SYBU: variants seen among roughly 807,000 people sequenced by gnomAD.
SYBU encodes GOLSYN A protein.
SYBU carries 21 observed loss-of-function variants against 35.9 expected under a neutral mutation model. That is an observed-to-expected ratio of 0.58 (90% confidence interval 0.41 to 0.84). The LOEUF (loss-of-function observed/expected upper bound fraction) is 0.84. Among genes scored for constraint, SYBU ranks in the 40% least tolerant of loss-of-function variants. The pLI, the probability that SYBU is intolerant of heterozygous loss-of-function variation, is 0.00. For missense variants in SYBU, 768 were observed against 848.2 expected, an observed-to-expected ratio of 0.91 and a Z score of 1.17; for synonymous variants, 319 against 324.3, an observed-to-expected ratio of 0.98 and a Z score of 0.18.
intron 1 of SYBU, among the ~76,000 whole-genome samples, chr8:109,659,617 T>A (rs1180959724): frequency 6.6e-6 from 1 of 152,176 alleles, no homozygotes; most frequent in Non-Finnish European, 1.5e-5. Flanking sequence ...CTCACCACAT[T>A]CATAAGAGCA....
At chr8:109,673,763 T>C (rs1817077352) in intron 1 of SYBU, among the ~76,000 whole-genome samples, 1 of 152,146 alleles carries the variant, frequency 6.6e-6, no homozygotes, top group African/African-American at 2.4e-5. Flanking sequence ...TCTAACCCAA[T>C]GCAAGGAAGC....
intron 1 of SYBU, among the ~76,000 whole-genome samples, chr8:109,675,421 A>G (rs535180143): frequency 6.6e-6 from 1 of 152,296 alleles, no homozygotes; most frequent in South Asian, 2.1e-4. Flanking sequence ...AAAGAGAGGA[A>G]TCAAATAGAC....
chr8:109,618,744 T>C, intron 3 of SYBU, 98 bp downstream of exon 3: 1 of 1,113,678 alleles, frequency 9.0e-7, no homozygotes, highest in Non-Finnish European at 1.4e-6. Flanking sequence ...GGTACGGTAT[T>C]TGTGATCCCC....
At chr8:109,641,266 C>A (rs766744918) in intron 2 of SYBU, among the ~76,000 whole-genome samples, 6 of 152,194 alleles carry the variant, frequency 3.9e-5, no homozygotes, top group Non-Finnish European at 8.8e-5. Flanking sequence ...CCTTACCAAA[C>A]ATGCTCACAA....
At chr8:109,683,310 G>A (rs942268492), upstream of SYBU, among the ~76,000 whole-genome samples, 7 of 152,290 alleles carry the variant, frequency 4.6e-5, no homozygotes, top group African/African-American at 1.7e-4. Context: ...AAGGTCATGG[G>A]AGCCCACCTC....
chr8:109,644,876 C>T (rs993426804), upstream of SYBU: 4 of 571,244 alleles, frequency 7.0e-6, no homozygotes, highest in Admixed American at 3.1e-5. Context: ...GTGCCGCACT[C>T]GCTAGAGGCA....
At chr8:109,613,971 G>A (rs1297917590) in intron 3 of SYBU, among the ~76,000 whole-genome samples, 2 of 152,106 alleles carry the variant, frequency 1.3e-5, no homozygotes, top group Admixed American at 6.5e-5. Context: ...GATGACAAGG[G>A]GATACTAACT....
At chr8:109,669,824 T>A (rs1816910658) in intron 1 of SYBU, among the ~76,000 whole-genome samples, 1 of 152,240 alleles carries the variant, frequency 6.6e-6, no homozygotes, top group African/African-American at 2.4e-5. Flanking sequence ...TGACATAACC[T>A]GGATCCTAGC....
At chr8:109,603,163 C>T (rs901475603) in intron 3 of SYBU, among the ~76,000 whole-genome samples, 1 of 152,248 alleles carries the variant, frequency 6.6e-6, no homozygotes, top group African/African-American at 2.4e-5. Flanking sequence ...CGGAAGCCGA[C>T]AAGAGGCAAA....
chr8:109,646,073 G>C (rs1047412125), upstream of SYBU: 5 of 152,260 alleles, frequency 3.3e-5, no homozygotes, highest in African/African-American at 1.2e-4. Flanking sequence ...TCGAAAATCT[G>C]TCCAACTGGG....
intron 2 of SYBU, among the ~76,000 whole-genome samples, chr8:109,630,257 A>G (rs896052566): frequency 3.4e-5 from 4 of 118,404 alleles, no homozygotes; most frequent in East Asian, 2.7e-4. Context: ...GGAATATCAC[A>G]CTCTGGGGAC....
rs115244040 is a variant in SYBU at position 109,614,593 on chromosome 8, C to G, written c.427+4249G>C. On this transcript the variant is annotated intron_variant, in intron 3 of 6. Coordinates refer to ENST00000276646, the MANE Select transcript of SYBU (RefSeq NM_001099754.2). Reference sequence around the variant, plus strand: ...TCACAACTTCCCCACGCTCCTCCCACACAAAACATAATCTCTTGCACAAAG... The same window carrying G: ...TCACAACTTCCCCACGCTCCTCCCAGACAAAACATAATCTCTTGCACAAAG... Among the ~76,000 whole-genome samples, 1,259 of 152,344 alleles carry G rather than the reference C, an allele frequency of 8.3e-3. 8 individuals carry two copies. Among genetic ancestry groups the G allele is most frequent in the African/African-American group, 0.029 (1,199 of 41,570 alleles).
At chr8:109,600,883 G>T (rs1369977640) in intron 3 of SYBU, among the ~76,000 whole-genome samples, 1 of 152,148 alleles carries the variant, frequency 6.6e-6, no homozygotes, top group Non-Finnish European at 1.5e-5. Context: ...TATGAACAAG[G>T]TCGACATGTG....
At chr8:109,652,982 C>T (rs1216582319) in intron 1 of SYBU, among the ~76,000 whole-genome samples, 2 of 152,026 alleles carry the variant, frequency 1.3e-5, no homozygotes, top group Non-Finnish European at 2.9e-5. Flanking sequence ...TGTAATAAGC[C>T]CAGCATAGTC....
chr8:109,587,518 A>C (rs76084958), intron 3 of SYBU, among the ~76,000 whole-genome samples: 2,154 of 152,294 alleles, frequency 0.014, 58 homozygotes, highest in African/African-American at 0.05. Flanking sequence ...GAACAGGAGA[A>C]GTTCTTAAAG....
At chr8:109,689,138 A>T (rs1211367382) in intron 1 of SYBU, among the ~76,000 whole-genome samples, 1 of 152,184 alleles carries the variant, frequency 6.6e-6, no homozygotes, top group East Asian at 1.9e-4. Flanking sequence ...CTGTAAAAAC[A>T]GTTTCTTTAT....
At chr8:109,613,147 A>G (rs1158717164) in intron 3 of SYBU, among the ~76,000 whole-genome samples, 1 of 152,124 alleles carries the variant, frequency 6.6e-6, no homozygotes. Context: ...CTGTCCTCCT[A>G]GAGCAACTAT....
At chr8:109,599,155 TC>T (rs1825221931) in intron 3 of SYBU, among the ~76,000 whole-genome samples, 1 of 152,114 alleles carries the variant, frequency 6.6e-6, no homozygotes, top group Non-Finnish European at 1.5e-5. Context: ...CTATTCTGTA[TC>T]CCCCACCAGA....
intron 3 of SYBU, among the ~76,000 whole-genome samples, chr8:109,617,766 A>G (rs2130347218): frequency 6.6e-6 from 1 of 152,336 alleles, no homozygotes; most frequent in East Asian, 1.9e-4. Flanking sequence ...TTTATCAGGC[A>G]CCACTAGGAA....
Sources: allele counts gnomAD v4.1 joint callset (sites outside exome capture counted in the v4.1 genomes callset), GRCh38; gene constraint gnomAD v4.1.1; transcripts MANE v1.5; gene names NCBI Gene and HGNC (gene_info 2026-07-23, HGNC 2026-07-21).